The following RP1L1 variants were observed in gnomAD, a reference collection of about 807,000 sequenced individuals.
RP1L1 encodes the protein retinitis pigmentosa 1-like 1 protein.
Under a neutral mutation model 15.7 loss-of-function variants are expected in RP1L1, and 27 were observed. That is an observed-to-expected ratio of 1.72 (90% CI 1.27 to 2.38). RP1L1 has a LOEUF of 2.38. RP1L1 is among the 30% of genes most tolerant of loss of function. The pLI, the probability that RP1L1 is intolerant of heterozygous loss-of-function variation, is 0.00. For synonymous variants in RP1L1, 1,813 were observed against 1,276.7 expected (o/e 1.42, Z -8.96); for missense variants, 4,798 against 3,075.9 (o/e 1.56, Z -13.24).
chr8:10,612,037 C>G lies in RP1L1; in HGVS notation c.2061G>C (p.Pro687=), dbSNP rs200963001. ...AGGCCCTTCGCCGCTCAGGAGGCCT[C>G]GGCACTTGCTTGGTTACAGAGGAGT... ...PLDSSVTKQV[P]RPPERRRACQ... The change falls in exon 4 of 4, where the codon CCG becomes CCC. Residue 687 remains proline, a synonymous_variant. Transcript: ENST00000382483. 1.4e-4 allele frequency: 225 copies of G among 1,613,874 alleles called. 2 individuals carry two copies. In the Middle Eastern group the frequency reaches 2.3e-3, roughly 17 times the overall value.
At chr8:10,614,397 C>T (rs1050209643) in intron 3 of RP1L1, among the ~76,000 whole-genome samples, 5 of 152,218 alleles carry the variant, frequency 3.3e-5, no homozygotes, top group Admixed American at 6.5e-5. Context: ...TGATAGCTCA[C>T]GCCTGTAATC....
Position 10,623,072 on chromosome 8 carries a change from G to A in RP1L1, c.130C>T (p.Pro44Ser). 3 of 1,614,076 alleles carry A rather than the reference G, an allele frequency of 1.9e-6. No homozygotes were observed. Among genetic ancestry groups the A allele is most frequent in the Non-Finnish European group, 2.5e-6 (3 of 1,180,004 alleles). ...GCCAGGCGGACCCCAGCAAACCGTGGATCCCCTCGCTTGAGGAAGGTGATC... is the reference window on the plus strand; with the variant it reads ...GCCAGGCGGACCCCAGCAAACCGTGAATCCCCTCGCTTGAGGAAGGTGATC... The part of the protein sequence containing the change: ...KKITFLKRGD[P>S]RFAGVRLAVH... Residue 44 changes from proline to serine, a missense_variant, in exon 2 of 4, where the codon CCA becomes TCA. By Grantham distance (74) the Pro-to-Ser change is moderately conservative (BLOSUM62 -1). Coordinates refer to ENST00000382483, the MANE Select transcript of RP1L1 (RefSeq NM_178857.6).
intron 1 of RP1L1, among the ~76,000 whole-genome samples, chr8:10,642,272 G>A (rs1798417933): frequency 6.6e-6 from 1 of 152,060 alleles, no homozygotes; most frequent in African/African-American, 2.4e-5. Context: ...CTTACTCACT[G>A]AGTTCCTATT....
At chr8:10,630,754 A>G (rs1798228507) in intron 1 of RP1L1, among the ~76,000 whole-genome samples, 1 of 152,220 alleles carries the variant, frequency 6.6e-6, no homozygotes, top group Admixed American at 6.5e-5. Flanking sequence ...TTTTCATTTT[A>G]AAAAGCTCTC....
At chr8:10,622,183 T>G (rs1301575343) in intron 2 of RP1L1, among the ~76,000 whole-genome samples, 8 of 152,000 alleles carry the variant, frequency 5.3e-5, no homozygotes, top group Admixed American at 5.2e-4. Flanking sequence ...TAGCTGGGCA[T>G]GGTAGCACAT....
Position 10,608,236 on chromosome 8 carries a change from G to C in RP1L1, c.5862C>G (p.Thr1954=). 6.4e-7 allele frequency: 1 copy of C among 1,565,622 alleles called. No individual in the cohort carries two copies. Among genetic ancestry groups the C allele is most frequent in the Non-Finnish European group, 8.7e-7 (1 of 1,153,994 alleles). ...ACTCTATAACTTCTGACTCTGGCTG[G>C]GTCTGCCCTTCTGCCTCCTGGGCCG... ...EEAAQEAEGQ[T]QPESEVIESQ... is the part of the protein sequence containing the mutation. The change falls in exon 4 of 4, where the codon ACC becomes ACG. Residue 1954 remains threonine (T), a synonymous_variant. Coordinates refer to ENST00000382483, the MANE Select transcript of RP1L1 (RefSeq NM_178857.6).
intron 1 of RP1L1, among the ~76,000 whole-genome samples, chr8:10,652,995 C>T (rs1798584706): frequency 6.6e-6 from 1 of 152,208 alleles, no homozygotes; most frequent in South Asian, 2.1e-4. Flanking sequence ...TTAGACAAAT[C>T]AACTCCGGGT....
chr8:10,607,399 A>G lies in RP1L1; in HGVS notation c.6699T>C (p.Ala2233=). ...CTGACTCTGGCTGGGCCTCCCCTTC[A>G]GCCTCCGGGGTCTCTACGCCTTCTG... ...PEPEGVETPE[A]EGEAQPESEG... is the part of the protein sequence containing the mutation. Residue 2233 remains alanine, a synonymous_variant, in exon 4 of 4, where the codon GCT becomes GCC. Transcript: ENST00000382483. 1.9e-6 allele frequency: 3 copies of G among 1,585,882 alleles called. No homozygotes were observed. The highest frequency in any genetic ancestry group is 2.6e-6 in the Non-Finnish European group (3 of 1,164,072).
Position 10,611,805 on chromosome 8 carries a change from C to G in RP1L1, c.2293G>C (p.Asp765His). 6.2e-6 allele frequency: 10 copies of G among 1,613,652 alleles called. 1 individual carries two copies. Among genetic ancestry groups the G allele is most frequent in the East Asian group, 2.2e-5 (1 of 44,872 alleles). The change falls in exon 4 of 4, where the codon GAC becomes CAC. Residue 765 changes from aspartate to histidine, a missense_variant. Coordinates refer to ENST00000382483, the MANE Select transcript of RP1L1 (RefSeq NM_178857.6). ...HNAPSAGWAGDAGSRTCSPAP... is the reference protein window; with the variant it reads ...HNAPSAGWAGHAGSRTCSPAP... ...GGCGAGCATGTCCTGGACCCCGCGT[C>G]CCCTGCCCACCCGGCAGAGGGAGCG...
In RP1L1 at chr8:10,611,114, C is replaced by A; in HGVS notation, c.2984G>T (p.Gly995Val). 1.2e-6 allele frequency: 2 copies of A among 1,612,938 alleles called. No homozygotes were observed. The highest frequency in any genetic ancestry group is 1.3e-5 in the African/African-American group (1 of 75,068). ...CAGGCCTTCCAGAGAATGGTCATCC[C>A]CAGGGTCCACCTCGGGGCCTCTCAG... Reference protein sequence around the residue: ...GGLRGPEVDPGDDHSLEGLGE... With the variant: ...GGLRGPEVDPVDDHSLEGLGE... Residue 995 changes from glycine (G) to valine (V), a missense_variant, in exon 4 of 4, where the codon GGG (glycine) becomes GTG (valine). By Grantham distance (109) the Gly-to-Val change is moderately radical. Transcript: ENST00000382483.
intron 1 of RP1L1, among the ~76,000 whole-genome samples, chr8:10,646,921 C>G (rs1183886707): frequency 2.0e-5 from 3 of 152,240 alleles, no homozygotes; most frequent in African/African-American, 4.8e-5. Flanking sequence ...TTCTCAAATG[C>G]CAACCTCCCC....
chr8:10,606,555 C>A lies in RP1L1; in HGVS notation c.*340G>T. 1 of 311,510 alleles carries A rather than the reference C, an allele frequency of 3.2e-6. No homozygotes were observed. Among genetic ancestry groups the A allele is most frequent in the Admixed American group, 4.8e-5 (1 of 20,852 alleles). 19.3% of individuals were successfully genotyped at this position (311,510 alleles called of 1,614,324 possible). The stretch of plus-strand genomic sequence containing the variant: ...GCAACACTTGCTAGCAGAAAACAAA[C>A]CCACAAACAAAAGCTAAACTGGAGC... On this transcript the variant is annotated 3_prime_UTR_variant, in exon 4 of 4. Coordinates refer to ENST00000382483, the MANE Select transcript of RP1L1 (RefSeq NM_178857.6).
At position 10,612,455 on chromosome 8, in the gene RP1L1, C is replaced by G. The variant is rs1317033182; in HGVS notation, c.1643G>C (p.Trp548Ser). 1 of 1,612,746 alleles carries G rather than the reference C, an allele frequency of 6.2e-7. No individual in the cohort carries two copies. Among genetic ancestry groups the G allele is most frequent in the East Asian group, 2.2e-5 (1 of 44,878 alleles). ...STGSHEGSSE[W>S]GGRPQGCPGK... ...TGGACAGCCCTGGGGCCGCCCACCC[C>G]ATTCGCTGGATCCCTCATGAGAGCC... The change falls in exon 4 of 4, where the codon TGG becomes TCG. Residue 548 changes from tryptophan to serine, a missense_variant. By Grantham distance (177) the Trp-to-Ser change is radical. Coordinates refer to ENST00000382483, the MANE Select transcript of RP1L1 (RefSeq NM_178857.6).
chr8:10,650,957 A>T (rs1798551008), intron 1 of RP1L1, among the ~76,000 whole-genome samples: 1 of 152,248 alleles, frequency 6.6e-6, no homozygotes, highest in African/African-American at 2.4e-5. Context: ...TCCCCGTTTG[A>T]TAAGTGAGCA....
At position 10,622,945 on chromosome 8, in the gene RP1L1, C is replaced by T. The variant is rs368839450; in HGVS notation, c.257G>A (p.Gly86Asp). 131 of 1,613,934 alleles carry T rather than the reference C, an allele frequency of 8.1e-5. No individual in the cohort carries two copies. Among genetic ancestry groups the T allele is most frequent in the Non-Finnish European group, 7.5e-5 (88 of 1,179,996 alleles). The change falls in exon 2 of 4, where the codon GGC (glycine) becomes GAC (aspartate). Residue 86 changes from glycine (G) to aspartate (D), a missense_variant. Coordinates refer to ENST00000382483, the MANE Select transcript of RP1L1 (RefSeq NM_178857.6). ...FGVRSVTTPR[G>D]LHSLSALEQL... ...CTCCAGGGCGCTGAGGCTATGCAGG[C>T]CCCGGGGTGTGGTGACAGAGCGCAC... is the stretch of plus-strand genomic sequence containing the variant.
At position 10,607,420 on chromosome 8, in the gene RP1L1, T is replaced by A; in HGVS notation, c.6678A>T (p.Glu2226Asp). 6.2e-7 allele frequency: 1 copy of A among 1,613,686 alleles called. No homozygotes were observed. The highest frequency in any genetic ancestry group is 8.5e-7 in the Non-Finnish European group (1 of 1,179,856). Residue 2226 changes from glutamate (E) to aspartate (D), a missense_variant, in exon 4 of 4, where the codon GAA becomes GAT. Physicochemically the swap from Glu to Asp is conservative, Grantham distance 45 (BLOSUM62 2). Transcript: ENST00000382483. ...EAEEEAQPEP[E>D]GVETPEAEGE... ...CTTCAGCCTCCGGGGTCTCTACGCC[T>A]TCTGGCTCTGGCTGGGCCTCCTCTT...
rs547400072 is a variant in RP1L1 at position 10,649,859 on chromosome 8, G to A, written c.-20+5039C>T. ...CTTCCTGGAAAGAGATAGTGGATGC[G>A]GCCGATACTGTTGGCTGCCTCCCCT... On this transcript the variant is annotated intron_variant, in intron 1 of 3. Transcript: ENST00000382483. Among the ~76,000 whole-genome samples the A allele has an allele frequency of 2.3e-4, 35 of 152,258 alleles. No homozygotes were observed. In the South Asian group the frequency reaches 6.8e-3, roughly 30 times the overall value.
chr8:10,641,152 GCCATGTTCTT>G (rs1176462952), intron 1 of RP1L1, among the ~76,000 whole-genome samples: 3 of 152,188 alleles, frequency 2.0e-5, no homozygotes, highest in Non-Finnish European at 4.4e-5. Flanking sequence ...CCCATCATGG[GCCATGTTCTT>G]CCATGTTCTT....
intron 3 of RP1L1, among the ~76,000 whole-genome samples, chr8:10,613,819 G>A (rs1473862410): frequency 6.6e-6 from 1 of 151,808 alleles, no homozygotes; most frequent in East Asian, 1.9e-4. Flanking sequence ...GCATGATAAG[G>A]GCAGAGCTAT....
Sources: gnomAD v4.1 joint callset for allele counts (sites outside exome capture counted in the v4.1 genomes callset) on GRCh38, gnomAD v4.1.1 for gene constraint, MANE v1.5 for transcripts, NCBI Gene and HGNC (gene_info 2026-07-23, HGNC 2026-07-21) for gene names.